LDLRAD3: variants seen among roughly 807,000 people sequenced by gnomAD.
The protein encoded by LDLRAD3 is low density lipoprotein receptor class A domain containing 3, also known as low-density lipoprotein receptor class A domain-containing protein 3.
Under a neutral mutation model 29.4 loss-of-function variants are expected in LDLRAD3, and 20 were observed. The ratio of observed to expected loss-of-function variants is 0.68; its 90% CI spans 0.48 to 0.99. The LOEUF is 0.99. Among genes scored for constraint, LDLRAD3 ranks in the 50% least tolerant of loss-of-function variants. LDLRAD3 has a pLI of 0.00. For synonymous variants in LDLRAD3, 157 were observed against 192.7 expected (o/e 0.81, Z 1.53); for missense variants, 420 against 454.3 (o/e 0.92, Z 0.69).
intron 1 of LDLRAD3, among the ~76,000 whole-genome samples, chr11:35,966,364 G>T (rs946773967): frequency 1.3e-5 from 2 of 152,218 alleles, no homozygotes; most frequent in African/African-American, 4.8e-5. Flanking sequence ...GGCGGAGGTT[G>T]CAGTGAGCTG....
At chr11:36,133,207 C>T (rs12793358) in intron 4 of LDLRAD3, among the ~76,000 whole-genome samples, 10 of 146,552 alleles carry the variant, frequency 6.8e-5, no homozygotes, top group Middle Eastern at 3.6e-3. Flanking sequence ...TTTCTTTTTT[C>T]TTTTTTTTAG....
chr11:36,183,781 C>T (rs1854801907), intron 4 of LDLRAD3, among the ~76,000 whole-genome samples: 1 of 152,106 alleles, frequency 6.6e-6, no homozygotes, highest in Admixed American at 6.6e-5. Context: ...CATATTTTCT[C>T]TTTTTGTGTC....
chr11:36,098,266 C>T (rs1853392558), intron 3 of LDLRAD3, 61 bp from the exon 4 acceptor site: 3 of 1,601,992 alleles, frequency 1.9e-6, no homozygotes, highest in African/African-American at 2.7e-5. Context: ...GGAAGAAGTT[C>T]CAGGGTCCCC....
At chr11:35,973,525 C>T (rs111776468) in intron 1 of LDLRAD3, among the ~76,000 whole-genome samples, 12,644 of 152,026 alleles carry the variant, frequency 0.083, 1,676 homozygotes, top group African/African-American at 0.28. Context: ...TGGTGTGTGG[C>T]GTGATCTCTG....
intron 1 of LDLRAD3, among the ~76,000 whole-genome samples, chr11:35,992,141 C>T (rs2133168295): frequency 6.6e-6 from 1 of 152,264 alleles, no homozygotes; most frequent in African/African-American, 2.4e-5. Context: ...TTAGATTTCT[C>T]TGAAATGACT....
At chr11:36,209,431 C>T (rs1855253979) in intron 4 of LDLRAD3, among the ~76,000 whole-genome samples, 1 of 141,458 alleles carries the variant, frequency 7.1e-6, no homozygotes, top group Non-Finnish European at 1.5e-5. Context: ...GTGATCTCGG[C>T]TCACTGCAAC....
At chr11:36,125,265 G>T (rs77813061) in intron 4 of LDLRAD3, among the ~76,000 whole-genome samples, 2,875 of 152,240 alleles carry the variant, frequency 0.019, 79 homozygotes, top group African/African-American at 0.066. Flanking sequence ...GTGCATTAGA[G>T]CATGGTCTCT....
chr11:36,042,180 T>C (rs901337555), intron 2 of LDLRAD3, among the ~76,000 whole-genome samples: 1 of 152,134 alleles, frequency 6.6e-6, no homozygotes, highest in Non-Finnish European at 1.5e-5. Flanking sequence ...TTTTAGCATC[T>C]GCCTCGTCTT....
chr11:36,222,279 T>C (rs1325709532), intron 4 of LDLRAD3, among the ~76,000 whole-genome samples: 2 of 152,134 alleles, frequency 1.3e-5, no homozygotes, highest in Non-Finnish European at 2.9e-5. Flanking sequence ...AGACAGGGTC[T>C]CCCTATGTTG....
At chr11:36,082,836 G>A (rs923091402) in intron 3 of LDLRAD3, among the ~76,000 whole-genome samples, 5 of 152,060 alleles carry the variant, frequency 3.3e-5, no homozygotes, top group Admixed American at 1.3e-4. Context: ...TCTCTTCTTC[G>A]CCTTTAATAC....
intron 4 of LDLRAD3, among the ~76,000 whole-genome samples, chr11:36,140,992 T>TCTCTCTCTC (rs1854073899): frequency 5.5e-5 from 6 of 109,994 alleles, no homozygotes; most frequent in Admixed American, 1.1e-4. Context: ...CTGTTGAGCT[T>TCTCTCTCTC]TCTCTCTCTC....
chr11:36,142,654 G>A (rs1037354191), intron 4 of LDLRAD3, among the ~76,000 whole-genome samples: 1 of 152,056 alleles, frequency 6.6e-6, no homozygotes, highest in Admixed American at 6.6e-5. Context: ...GGGCAGTGGT[G>A]CACCCGGTGC....
chr11:36,172,567 G>A (rs1410736315), intron 4 of LDLRAD3, among the ~76,000 whole-genome samples: 1 of 151,912 alleles, frequency 6.6e-6, no homozygotes, highest in Non-Finnish European at 1.5e-5. Flanking sequence ...TGCTTTTTCT[G>A]CATCTATTGA....
Position 35,976,784 on chromosome 11 carries a change from A to G in LDLRAD3, c.46+32640A>G, listed in dbSNP as rs79992184. Among the ~76,000 whole-genome samples the G allele has an allele frequency of 6.9e-3, 1,049 of 152,234 alleles. 4 individuals carry two copies. Among genetic ancestry groups the G allele is most frequent in the Non-Finnish European group, 8.9e-3 (602 of 67,998 alleles). ...GAATGAATAAGTCTTCCATTTTCAA[A>G]AGAGTCTATTTTAGTTGAATTTTAT... On this transcript the variant is annotated intron_variant, in intron 1 of 5. Transcript: ENST00000315571.
At chr11:36,150,388 C>T (rs933767929) in intron 4 of LDLRAD3, among the ~76,000 whole-genome samples, 3 of 151,974 alleles carry the variant, frequency 2.0e-5, no homozygotes, top group African/African-American at 4.8e-5. Flanking sequence ...ATTAGCCAGG[C>T]GTGGTACCAC....
In LDLRAD3 at chr11:36,171,084, C is replaced by T. The variant is rs141911608; in HGVS notation, c.455-56001C>T. 9.7e-4 allele frequency among the ~76,000 whole-genome samples: 147 copies of T among 151,042 alleles called. 2 individuals carry two copies. The highest frequency in any genetic ancestry group is 3.9e-3 in the East Asian group (20 of 5,138). On this transcript the variant is annotated intron_variant, in intron 4 of 5. Transcript: ENST00000315571. ...CAAAGTGCTGGGATTATAGGCGTGACGTTTATCTTCTTTTGGGAATTGTCT... is the reference window on the plus strand; with the variant it reads ...CAAAGTGCTGGGATTATAGGCGTGATGTTTATCTTCTTTTGGGAATTGTCT...
At chr11:35,966,500 A>T (rs555072142) in intron 1 of LDLRAD3, among the ~76,000 whole-genome samples, 1 of 152,212 alleles carries the variant, frequency 6.6e-6, no homozygotes, top group Non-Finnish European at 1.5e-5. Context: ...ATAAAGTATG[A>T]TGAAATAATA....
At chr11:36,070,062 A>C (rs991549836) in intron 2 of LDLRAD3, among the ~76,000 whole-genome samples, 2 of 152,212 alleles carry the variant, frequency 1.3e-5, no homozygotes, top group Non-Finnish European at 2.9e-5. Flanking sequence ...CACTATTTGC[A>C]TTACATGCAG....
intron 2 of LDLRAD3, among the ~76,000 whole-genome samples, chr11:36,053,840 C>G (rs1232135861): frequency 6.6e-6 from 1 of 152,168 alleles, no homozygotes; most frequent in Non-Finnish European, 1.5e-5. Context: ...ATTGTATGAG[C>G]ACCTCCAAGA....
Sources: gnomAD v4.1 joint callset for allele counts (sites outside exome capture counted in the v4.1 genomes callset) on GRCh38, gnomAD v4.1.1 for gene constraint, MANE v1.5 for transcripts, NCBI Gene and HGNC (gene_info 2026-07-23, HGNC 2026-07-21) for gene names.